MTA3: variants seen among roughly 807,000 people sequenced by gnomAD.
MTA3 encodes metastasis-associated protein MTA3.
MTA3 carries 34 observed loss-of-function variants against 83.5 expected under a neutral mutation model. That is an observed-to-expected ratio of 0.41 (90% CI 0.31 to 0.54). The LOEUF (loss-of-function observed/expected upper bound fraction) is 0.54. Ranked by LOEUF, MTA3 falls within the 20% of genes least tolerant of loss-of-function variation. MTA3 has a pLI of 0.33. For synonymous variants in MTA3, 303 were observed against 252.7 expected, an observed-to-expected ratio of 1.20 and a Z score of -1.89; for missense variants, 761 against 726.4, an observed-to-expected ratio of 1.05 and a Z score of -0.55.
chr2:42,753,730 C>T lies in MTA3; in HGVS notation c.*331C>T. On this transcript the variant is annotated 3_prime_UTR_variant, in exon 17 of 17. Transcript: ENST00000405094. ...GCGCCCCACCCAGCAACAGCGGCCA[C>T]TTGGCAGTGGGGCTGCTGCAAGCTC... 8.5e-7 allele frequency: 1 copy of T among 1,170,596 alleles called. No individual in the cohort carries two copies. Among genetic ancestry groups the T allele is most frequent in the Non-Finnish European group, 1.1e-6 (1 of 940,698 alleles). The allele number at this position is 1,170,596 out of a possible 1,614,324, so 72.5% of individuals were successfully genotyped here.
chr2:42,600,096 G>A (rs1197179525), intron 3 of MTA3, among the ~76,000 whole-genome samples: 1 of 152,162 alleles, frequency 6.6e-6, no homozygotes, highest in Non-Finnish European at 1.5e-5. Context: ...TACTCAGGAG[G>A]CTGAGGCAGG....
intron 2 of MTA3, among the ~76,000 whole-genome samples, chr2:42,576,694 C>G (rs964799833): frequency 6.6e-6 from 1 of 152,008 alleles, no homozygotes; most frequent in African/African-American, 2.4e-5. Flanking sequence ...TGAGAGGAGT[C>G]TGAGACTAGC....
At chr2:42,499,870 A>G (rs1395904853) in intron 2 of MTA3, among the ~76,000 whole-genome samples, 1 of 152,118 alleles carries the variant, frequency 6.6e-6, no homozygotes, top group Non-Finnish European at 1.5e-5. Flanking sequence ...TCAAAAGTGT[A>G]TACTCATCTC....
At chr2:42,707,248 T>C (rs1455132882) in intron 12 of MTA3, among the ~76,000 whole-genome samples, 1 of 151,986 alleles carries the variant, frequency 6.6e-6, no homozygotes, top group Non-Finnish European at 1.5e-5. Context: ...TTAGATTTTT[T>C]TTTTTTTTCT....
intron 8 of MTA3, among the ~76,000 whole-genome samples, chr2:42,660,315 C>G (rs1689566323): frequency 6.6e-6 from 1 of 152,192 alleles, no homozygotes; most frequent in South Asian, 2.1e-4. Context: ...TCTCAAACTT[C>G]TGACCTTGTG....
Position 42,579,042 on chromosome 2 carries a change from T to C in MTA3, c.97-65T>C. 9.2e-6 allele frequency: 10 copies of C among 1,084,024 alleles called. No homozygotes were observed. In the South Asian group the frequency reaches 1.1e-4, roughly 12 times the overall value. 67.2% of individuals were successfully genotyped at this position (1,084,024 alleles called of 1,614,324 possible). On this transcript the variant is annotated intron_variant, in intron 2 of 16. Coordinates refer to ENST00000405094, the MANE Select transcript of MTA3 (RefSeq NM_001330442.2). ...TCATATAATTGTGCTGTATCTAGTT[T>C]CGTTGTATAAATTATTTGACTCTAA... is the stretch of plus-strand genomic sequence containing the variant.
chr2:42,631,371 T>C (rs1004016370), intron 4 of MTA3, among the ~76,000 whole-genome samples: 3 of 152,230 alleles, frequency 2.0e-5, no homozygotes, highest in African/African-American at 7.2e-5. Flanking sequence ...ATATAACCTT[T>C]CCTTTGAATT....
chr2:42,705,805 A>G (rs775898655), intron 12 of MTA3, among the ~76,000 whole-genome samples: 1 of 152,206 alleles, frequency 6.6e-6, no homozygotes, highest in Non-Finnish European at 1.5e-5. Context: ...TGCATGATGA[A>G]TAAGCTATTT....
chr2:42,670,825 A>G (rs533611653), intron 8 of MTA3, among the ~76,000 whole-genome samples: 2 of 151,930 alleles, frequency 1.3e-5, no homozygotes, highest in South Asian at 2.1e-4. Context: ...TAAATATTTG[A>G]AAGAGTATTT....
intron 16 of MTA3, among the ~76,000 whole-genome samples, chr2:42,742,142 CT>C (rs779331968): frequency 1.8e-3 from 259 of 141,038 alleles, no homozygotes; most frequent in Non-Finnish European, 1.8e-3. Flanking sequence ...TTCTTTCTTT[CT>C]TTTTTTTTTT....
intron 9 of MTA3, among the ~76,000 whole-genome samples, chr2:42,688,622 T>C (rs1228745669): frequency 6.6e-6 from 1 of 151,698 alleles, no homozygotes; most frequent in East Asian, 1.9e-4. Context: ...GTGTTTTTTT[T>C]TTTTTTTTGT....
intron 3 of MTA3, among the ~76,000 whole-genome samples, chr2:42,594,728 A>ATATATATATATATATATTTTTTTTTTT: frequency 1.7e-4 from 4 of 24,044 alleles, no homozygotes; most frequent in Non-Finnish European, 2.6e-4. Flanking sequence ...ATATATATAT[A>ATATATATATATATATATTTTTTTTTTT]TTTTTTTTTT....
At chr2:42,496,971 C>T (rs573879229) in intron 2 of MTA3, among the ~76,000 whole-genome samples, 3 of 152,170 alleles carry the variant, frequency 2.0e-5, no homozygotes, top group South Asian at 4.2e-4. Flanking sequence ...TTTGGAAGGC[C>T]GAGGCAGGCA....
chr2:42,748,886 C>G (rs1269262109), intron 16 of MTA3, among the ~76,000 whole-genome samples: 1 of 152,178 alleles, frequency 6.6e-6, no homozygotes. Context: ...TCTGTGGAGG[C>G]TTGGTTTGAA....
chr2:42,524,077 G>A (rs1309831298), intron 2 of MTA3, among the ~76,000 whole-genome samples: 1 of 151,908 alleles, frequency 6.6e-6, no homozygotes, highest in Non-Finnish European at 1.5e-5. Context: ...GCCATGACCT[G>A]GGGGGGCCAT....
In MTA3 at chr2:42,498,847, T is replaced by G. The variant is rs1558398055; in HGVS notation, c.-141+3593T>G. The stretch of plus-strand genomic sequence containing the variant: ...TTTAGGGAGTTTAGCCACAGTAATT[T>G]AGAAATTTGCCAGCCAAGCCCTGAG... On this transcript the variant is annotated intron_variant, in intron 2 of 17. Coordinates refer to the MTA3 transcript ENST00000405592. 2.0e-5 allele frequency among the ~76,000 whole-genome samples: 3 copies of G among 152,206 alleles called. No homozygotes were observed. In the South Asian group the frequency reaches 6.2e-4, roughly 32 times the overall value.
intron 14 of MTA3, among the ~76,000 whole-genome samples, chr2:42,714,021 G>C (rs1666843903): frequency 6.6e-6 from 1 of 152,146 alleles, no homozygotes; most frequent in African/African-American, 2.4e-5. Flanking sequence ...GCAATTCACA[G>C]TCCCACTCAC....
intron 2 of MTA3, among the ~76,000 whole-genome samples, chr2:42,527,282 T>C (rs1407347186): frequency 1.3e-5 from 2 of 152,034 alleles, no homozygotes; most frequent in African/African-American, 4.8e-5. Flanking sequence ...CATCACCCAA[T>C]TGGAACTAAG....
chr2:42,658,009 T>C (rs1281478399), intron 7 of MTA3, among the ~76,000 whole-genome samples: 2 of 130,928 alleles, frequency 1.5e-5, no homozygotes, highest in African/African-American at 3.0e-5. Context: ...GAGACGGAGG[T>C]TGCAGTAAGC....
Sources: gnomAD v4.1 joint callset for allele counts (sites outside exome capture counted in the v4.1 genomes callset) on GRCh38, gnomAD v4.1.1 for gene constraint, MANE v1.5 for transcripts, NCBI Gene and HGNC (gene_info 2026-07-23, HGNC 2026-07-21) for gene names.